The following CDKAL1 variants were observed in gnomAD, a reference collection of about 807,000 sequenced individuals.
The protein encoded by CDKAL1 is CDKAL1 threonylcarbamoyladenosine tRNA methylthiotransferase.
CDKAL1 carries 32 observed loss-of-function variants against 68.2 expected under a neutral mutation model. The observed-to-expected ratio is 0.47, with a 90% CI of 0.35 to 0.63. CDKAL1 has a LOEUF of 0.63. Among genes scored for constraint, CDKAL1 ranks in the 30% least tolerant of loss-of-function variants. CDKAL1 has a pLI of 0.00. For missense variants in CDKAL1, 606 were observed against 696.7 expected (o/e 0.87, Z 1.47); for synonymous variants, 234 against 244.3 (o/e 0.96, Z 0.39).
chr6:20,991,875 T>C (rs1766828852), intron 10 of CDKAL1, among the ~76,000 whole-genome samples: 1 of 150,606 alleles, frequency 6.6e-6, no homozygotes, highest in South Asian at 2.1e-4. Flanking sequence ...AAGTTTAAAA[T>C]GGTAAATTGT....
At chr6:20,762,184 C>T (rs1477264253) in intron 7 of CDKAL1, among the ~76,000 whole-genome samples, 6 of 152,112 alleles carry the variant, frequency 3.9e-5, no homozygotes, top group Non-Finnish European at 8.8e-5. Context: ...CATACAAGAC[C>T]TGTTACTCCC....
intron 10 of CDKAL1, among the ~76,000 whole-genome samples, chr6:20,959,692 G>T (rs919346544): frequency 6.6e-6 from 1 of 151,838 alleles, no homozygotes; most frequent in Non-Finnish European, 1.5e-5. Flanking sequence ...CTAATATATC[G>T]CCCCTGTAGT....
intron 9 of CDKAL1, among the ~76,000 whole-genome samples, chr6:20,865,831 C>T (rs1759879244): frequency 6.6e-6 from 1 of 152,120 alleles, no homozygotes; most frequent in Non-Finnish European, 1.5e-5. Context: ...CCAGCGTACC[C>T]ATCACAGTAA....
chr6:20,934,405 C>T (rs1763606515), intron 9 of CDKAL1, among the ~76,000 whole-genome samples: 1 of 152,148 alleles, frequency 6.6e-6, no homozygotes, highest in Non-Finnish European at 1.5e-5. Flanking sequence ...TGTGTTATTG[C>T]CATGAGTAAC....
At chr6:20,540,063 A>C (rs1166258782) in intron 2 of CDKAL1, among the ~76,000 whole-genome samples, 1 of 143,252 alleles carries the variant, frequency 7.0e-6, no homozygotes, top group Non-Finnish European at 1.5e-5. Flanking sequence ...TGAGCAGTAG[A>C]AGATTGGGAT....
At chr6:21,121,619 A>G (rs1774718668) in intron 13 of CDKAL1, among the ~76,000 whole-genome samples, 2 of 152,228 alleles carry the variant, frequency 1.3e-5, no homozygotes, top group Admixed American at 1.3e-4. Flanking sequence ...TGCTCAATAA[A>G]TGACTATTCT....
At chr6:21,078,696 G>A (rs568711201) in intron 12 of CDKAL1, among the ~76,000 whole-genome samples, 7 of 152,044 alleles carry the variant, frequency 4.6e-5, no homozygotes, top group Admixed American at 2.0e-4. Context: ...TTCCTTCCTC[G>A]TCCTCTCACA....
At chr6:21,106,009 A>G (rs918723314) in intron 12 of CDKAL1, among the ~76,000 whole-genome samples, 2 of 152,158 alleles carry the variant, frequency 1.3e-5, no homozygotes, top group African/African-American at 4.8e-5. Flanking sequence ...TCTCTCATTC[A>G]CTCTTGCTGA....
intron 9 of CDKAL1, among the ~76,000 whole-genome samples, chr6:20,899,140 C>T (rs1403765855): frequency 6.7e-6 from 1 of 149,226 alleles, no homozygotes; most frequent in Non-Finnish European, 1.5e-5. Context: ...TCTCTGCTCA[C>T]TGCAAGCTCT....
intron 12 of CDKAL1, among the ~76,000 whole-genome samples, chr6:21,105,160 G>GA (rs1773785672): frequency 6.6e-6 from 1 of 152,090 alleles, no homozygotes; most frequent in Non-Finnish European, 1.5e-5. Context: ...GGGAAGAAAA[G>GA]AAAAAATTAT....
At chr6:20,564,703 C>A (rs1471677574) in intron 4 of CDKAL1, among the ~76,000 whole-genome samples, 1 of 152,042 alleles carries the variant, frequency 6.6e-6, no homozygotes, top group Non-Finnish European at 1.5e-5. Context: ...ATAACAAAAA[C>A]CATTAAATTT....
intron 2 of CDKAL1, among the ~76,000 whole-genome samples, chr6:20,540,077 C>CTTTTTTT (rs71538791): frequency 1.5e-5 from 2 of 131,266 alleles, no homozygotes; most frequent in African/African-American, 3.1e-5. Context: ...TTGGGATTGT[C>CTTTTTTT]TTTTTTTTTT....
intron 9 of CDKAL1, among the ~76,000 whole-genome samples, chr6:20,937,864 T>C (rs1763794011): frequency 6.6e-6 from 1 of 151,634 alleles, no homozygotes; most frequent in South Asian, 2.1e-4. Flanking sequence ...GAGGTGGTTT[T>C]TTTTTTTTTT....
At chr6:20,747,242 C>T (rs955633575) in intron 6 of CDKAL1, among the ~76,000 whole-genome samples, 42 of 152,134 alleles carry the variant, frequency 2.8e-4, no homozygotes, top group Admixed American at 1.2e-3. Context: ...ATTCATCCAT[C>T]GATGGATACT....
At chr6:20,654,007 A>G (rs1202817899) in intron 5 of CDKAL1, among the ~76,000 whole-genome samples, 2 of 152,078 alleles carry the variant, frequency 1.3e-5, no homozygotes, top group Admixed American at 1.3e-4. Context: ...TTGGCCTCCC[A>G]AAGTGTTGGG....
chr6:21,085,179 T>A (rs1000037470), intron 12 of CDKAL1, among the ~76,000 whole-genome samples: 1 of 152,180 alleles, frequency 6.6e-6, no homozygotes, highest in African/African-American at 2.4e-5. Context: ...TACAGCAATC[T>A]TTTTGCCTGT....
At chr6:21,146,133 A>G (rs1776157264) in intron 13 of CDKAL1, among the ~76,000 whole-genome samples, 1 of 152,190 alleles carries the variant, frequency 6.6e-6, no homozygotes, top group African/African-American at 2.4e-5. Context: ...TGCATGCACT[A>G]CAGTTGCCCA....
chr6:21,109,720 A>G (rs1234093821), intron 13 of CDKAL1, among the ~76,000 whole-genome samples: 1 of 152,198 alleles, frequency 6.6e-6, no homozygotes, highest in African/African-American at 2.4e-5. Flanking sequence ...AGCAAAAGGA[A>G]TGAGATTGGC....
chr6:20,660,749 A>G (rs2127770589), intron 5 of CDKAL1, among the ~76,000 whole-genome samples: 1 of 152,350 alleles, frequency 6.6e-6, no homozygotes, highest in Non-Finnish European at 1.5e-5. Context: ...ACATGTTTGT[A>G]TAATTAGGTT....
Sources: gnomAD v4.1 joint callset for allele counts (sites outside exome capture counted in the v4.1 genomes callset) on GRCh38, gnomAD v4.1.1 for gene constraint, MANE v1.5 for transcripts, NCBI Gene and HGNC (gene_info 2026-07-23, HGNC 2026-07-21) for gene names.